The following PAPPA2 variants were observed in gnomAD, a reference collection of about 807,000 sequenced individuals.
PAPPA2 encodes pappalysin-2.
A neutral mutation model predicts 176.4 loss-of-function variants in PAPPA2; 86 were observed. The observed-to-expected ratio is 0.49, with a 90% CI of 0.41 to 0.58. The LOEUF (loss-of-function observed/expected upper bound fraction) is 0.58. PAPPA2 is among the 20% of genes least tolerant of loss of function. PAPPA2 has a pLI of 0.00. For synonymous variants in PAPPA2, 809 were observed against 852.2 expected (o/e 0.95, Z 0.88); for missense variants, 2,073 against 2,256.9 (o/e 0.92, Z 1.65).
intron 4 of PAPPA2, among the ~76,000 whole-genome samples, chr1:176,688,296 C>T (rs915261807): frequency 6.6e-6 from 1 of 152,142 alleles, no homozygotes; most frequent in Non-Finnish European, 1.5e-5. Context: ...AGAATTATAT[C>T]CACTGATGTG....
chr1:176,709,434 C>T (rs1207703002), intron 10 of PAPPA2, among the ~76,000 whole-genome samples: 2 of 151,952 alleles, frequency 1.3e-5, no homozygotes, highest in Non-Finnish European at 2.9e-5. Context: ...ATATGTAAGC[C>T]TCAAAAGCCT....
chr1:176,557,171 C>G lies in PAPPA2; in HGVS notation c.849C>G (p.Pro283=). 1 of 1,613,456 alleles carries G rather than the reference C, an allele frequency of 6.2e-7. No individual in the cohort carries two copies. The highest frequency in any genetic ancestry group is 8.5e-7 in the Non-Finnish European group (1 of 1,179,836). The change falls in exon 2 of 23, where the codon CCC becomes CCG. Residue 283 remains proline, a synonymous_variant. Transcript: ENST00000367662. ...LLRPEVLAEI[P]REAFTVEAWV... ...GTCCAGAAGTGCTGGCTGAGATTCCCCGGGAGGCGTTCACAGTGGAAGCCT... is the reference window on the plus strand; with the variant it reads ...GTCCAGAAGTGCTGGCTGAGATTCCGCGGGAGGCGTTCACAGTGGAAGCCT...
chr1:176,692,161 G>A lies in PAPPA2; in HGVS notation c.2467G>A (p.Val823Met). The change falls in exon 6 of 23, where the codon GTG becomes ATG. Residue 823 changes from valine (V) to methionine (M), a missense_variant. Val to Met is a conservative substitution (Grantham distance 21). This residue lies in a region of PAPPA2 where 1,196 missense variants were observed against 1,330.4 expected (regional missense o/e 0.90). Transcript: ENST00000367662. ...CACTGACAACTTCACTCCTAACCAA[G>A]TGGCCCGAATGCATTGCTATTTGGA... is the stretch of plus-strand genomic sequence containing the variant. The part of the protein sequence containing the change: ...NCTDNFTPNQ[V>M]ARMHCYLDLV... 3 of 1,613,960 alleles carry A rather than the reference G, an allele frequency of 1.9e-6. No homozygotes were observed. The highest frequency in any genetic ancestry group is 2.5e-6 in the Non-Finnish European group (3 of 1,179,900).
At chr1:176,689,820 A>T (rs762718269) in intron 4 of PAPPA2, among the ~76,000 whole-genome samples, 1 of 152,176 alleles carries the variant, frequency 6.6e-6, no homozygotes, top group Admixed American at 6.5e-5. Context: ...GAACCCCTGT[A>T]TGTCTTCTTT....
chr1:176,809,829 T>G (rs186021871), intron 21 of PAPPA2, among the ~76,000 whole-genome samples: 1 of 152,188 alleles, frequency 6.6e-6, no homozygotes, highest in Admixed American at 6.5e-5. Context: ...AAGGTTAGCT[T>G]GCCGGAGACA....
At chr1:176,687,847 C>T (rs1335150867) in intron 4 of PAPPA2, among the ~76,000 whole-genome samples, 1 of 151,904 alleles carries the variant, frequency 6.6e-6, no homozygotes, top group Non-Finnish European at 1.5e-5. Context: ...GTTCTGTGTT[C>T]AAATAAGTTT....
chr1:176,598,297 C>T (rs2102655810), intron 3 of PAPPA2, among the ~76,000 whole-genome samples: 1 of 152,076 alleles, frequency 6.6e-6, no homozygotes, highest in South Asian at 2.1e-4. Flanking sequence ...TCCTGTACAC[C>T]TCCAAATATT....
chr1:176,730,897 C>T (rs1228046421), intron 12 of PAPPA2, among the ~76,000 whole-genome samples: 1 of 151,918 alleles, frequency 6.6e-6, no homozygotes, highest in African/African-American at 2.4e-5. Flanking sequence ...ACTTATTTTT[C>T]AGGGCATAAT....
rs1649850656 is a variant in PAPPA2, at chr1:176,532,178, A to G, written c.-916-23229A>G. ...TCTCTCTACCTCCGGTACCTTAGGC[A>G]TAAATTGCTGACCTCTATTTAATTT... On this transcript the variant is annotated intron_variant, in intron 1 of 22. Coordinates refer to ENST00000367662, the MANE Select transcript of PAPPA2 (RefSeq NM_020318.3). Among the ~76,000 whole-genome samples, 3 of 152,244 alleles carry G rather than the reference A, an allele frequency of 2.0e-5. No homozygotes were observed. In the South Asian group the frequency reaches 6.2e-4, roughly 32 times the overall value.
intron 7 of PAPPA2, among the ~76,000 whole-genome samples, chr1:176,696,881 G>A (rs558637272): frequency 6.6e-6 from 1 of 152,310 alleles, no homozygotes; most frequent in South Asian, 2.1e-4. Context: ...AGTCACTCAA[G>A]TGACAGGGCT....
chr1:176,688,619 G>A (rs758688775), intron 4 of PAPPA2, among the ~76,000 whole-genome samples: 1 of 152,174 alleles, frequency 6.6e-6, no homozygotes, highest in Non-Finnish European at 1.5e-5. Flanking sequence ...TAATAAACAC[G>A]GGAGGTGAGG....
At chr1:176,536,098 G>A (rs1011003498) in intron 1 of PAPPA2, among the ~76,000 whole-genome samples, 11 of 152,068 alleles carry the variant, frequency 7.2e-5, no homozygotes, top group Non-Finnish European at 1.5e-4. Context: ...CCCCTGTCAC[G>A]GGTATCTCTA....
At chr1:176,823,909 G>A (rs1666761558) in intron 21 of PAPPA2, among the ~76,000 whole-genome samples, 1 of 152,162 alleles carries the variant, frequency 6.6e-6, no homozygotes, top group Non-Finnish European at 1.5e-5. Flanking sequence ...GAACCATGGA[G>A]GTCAGGGTGT....
At chr1:176,667,639 C>A (rs1377347332) in intron 3 of PAPPA2, among the ~76,000 whole-genome samples, 1 of 152,070 alleles carries the variant, frequency 6.6e-6, no homozygotes, top group African/African-American at 2.4e-5. Context: ...TCAGGCTCCT[C>A]CTCTGGAGTG....
At chr1:176,765,879 A>G (rs776684828) in intron 15 of PAPPA2, 42 bp downstream of exon 15, 1 of 1,599,770 alleles carries the variant, frequency 6.3e-7, no homozygotes, top group Non-Finnish European at 8.5e-7. Context: ...AGTTCCTGGG[A>G]AGGGGAGGTA....
At chr1:176,482,842 A>G (rs1652466669) in intron 1 of PAPPA2, among the ~76,000 whole-genome samples, 1 of 152,212 alleles carries the variant, frequency 6.6e-6, no homozygotes, top group Non-Finnish European at 1.5e-5. Flanking sequence ...AACTGATCAC[A>G]GTAACCAAGA....
intron 2 of PAPPA2, among the ~76,000 whole-genome samples, chr1:176,566,390 T>C (rs1028405643): frequency 6.6e-6 from 1 of 152,198 alleles, no homozygotes; most frequent in African/African-American, 2.4e-5. Context: ...TTACTGCCTT[T>C]CCTCTCCTCA....
At chr1:176,491,825 T>G (rs1647308740) in intron 1 of PAPPA2, among the ~76,000 whole-genome samples, 1 of 152,178 alleles carries the variant, frequency 6.6e-6, no homozygotes, top group South Asian at 2.1e-4. Flanking sequence ...GAGTTTCTGT[T>G]TGGTTTCATC....
chr1:176,758,894 A>T (rs1663562523), intron 14 of PAPPA2, among the ~76,000 whole-genome samples: 1 of 152,178 alleles, frequency 6.6e-6, no homozygotes, highest in African/African-American at 2.4e-5. Context: ...ATACCATGTT[A>T]AAGCTGGAAG....
Sources: allele counts gnomAD v4.1 joint callset (sites outside exome capture counted in the v4.1 genomes callset), GRCh38; gene constraint gnomAD v4.1.1; regional missense constraint gnomAD v4.1.1; transcripts MANE v1.5; gene names NCBI Gene and HGNC (gene_info 2026-07-23, HGNC 2026-07-21).